The following MAP2K2 variants were observed in gnomAD, a reference collection of about 807,000 sequenced individuals.
The protein encoded by MAP2K2 is mitogen-activated protein kinase kinase 2.
MAP2K2 carries 24 observed loss-of-function variants against 43.7 expected under a neutral mutation model. That is an observed-to-expected ratio of 0.55 (90% CI 0.40 to 0.77). The LOEUF (loss-of-function observed/expected upper bound fraction) is 0.77. Ranked by LOEUF, MAP2K2 falls within the 30% of genes least tolerant of loss-of-function variation. The probability of loss-of-function intolerance (pLI) is 0.00; values close to 1 mark genes in which losing one functional copy is unlikely to be tolerated. For missense variants in MAP2K2, 470 were observed against 566.8 expected (o/e 0.83, Z 1.73); for synonymous variants, 244 against 239.7 (o/e 1.02, Z -0.17).
chr19:4,118,840 G>A (rs112389478), intron 1 of MAP2K2, among the ~76,000 whole-genome samples: 55 of 152,332 alleles, frequency 3.6e-4, no homozygotes, highest in African/African-American at 1.3e-3. Flanking sequence ...TTTATTGGGT[G>A]ATTCAAGGAA....
intron 9 of MAP2K2, chr19:4,094,719 G>A (rs1055413071): frequency 5.2e-5 from 30 of 576,904 alleles, no homozygotes; most frequent in African/African-American, 2.8e-4. Flanking sequence ...ACCCCCCAGC[G>A]GGAGGGTGAG....
chr19:4,110,769 C>G, intron 2 of MAP2K2, 114 bp from the exon 3 acceptor site: 3 of 1,137,032 alleles, frequency 2.6e-6, no homozygotes, highest in Non-Finnish European at 3.7e-6. Context: ...AACTCAGTAC[C>G]CCCTCCGCAA....
At chr19:4,111,967 A>G (rs943490631) in intron 2 of MAP2K2, among the ~76,000 whole-genome samples, 1 of 149,012 alleles carries the variant, frequency 6.7e-6, no homozygotes, top group Non-Finnish European at 1.5e-5. Context: ...AAAACCCCCA[A>G]AAAAACAAAA....
In MAP2K2 at chr19:4,118,600, C is replaced by CA. The variant is rs542136182; in HGVS notation, c.93-972dup. On this transcript the variant is annotated intron_variant, in intron 1 of 10. Transcript: ENST00000262948. The stretch of plus-strand genomic sequence containing the variant: ...TCTCAAAACAAAACAAACCAAAAAA[C>CA]AAAAAAAACAAAAAATAAGCATGAC... Among the ~76,000 whole-genome samples, 116 of 151,432 alleles carry CA rather than the reference C, an allele frequency of 7.7e-4. No homozygotes were observed. The South Asian group carries it at 0.011, about 14-fold the overall frequency.
chr19:4,103,178 T>C, intron 3 of MAP2K2: 2 of 990,450 alleles, frequency 2.0e-6, no homozygotes, highest in Non-Finnish European at 2.4e-6. Flanking sequence ...CAGCCTGTGG[T>C]CTCCTCGCCA....
At chr19:4,112,404 G>A (rs2041165160) in intron 2 of MAP2K2, among the ~76,000 whole-genome samples, 1 of 152,242 alleles carries the variant, frequency 6.6e-6, no homozygotes, top group Non-Finnish European at 1.5e-5. Context: ...GGAGATGGGG[G>A]AGGGTGTTCC....
chr19:4,111,924 G>C (rs2041158098), intron 2 of MAP2K2, among the ~76,000 whole-genome samples: 1 of 152,170 alleles, frequency 6.6e-6, no homozygotes, highest in Non-Finnish European at 1.5e-5. Context: ...TTGCACTCCA[G>C]CCTGGGGGAC....
Position 4,099,282 on chromosome 19 carries a change from C to T in MAP2K2, c.838G>A (p.Gly280Ser), listed in dbSNP as rs763167619. 1.9e-6 allele frequency: 3 copies of T among 1,606,562 alleles called. No homozygotes were observed. The highest frequency in any genetic ancestry group is 1.1e-5 in the South Asian group (1 of 90,048). Residue 280 changes from glycine (G) to serine (S), a missense_variant, in exon 7 of 11, where the codon GGC becomes AGC. Transcript: ENST00000262948. ...PDAKELEAIF[G>S]RPVVDGEEGE... ...TCTTCCCCGTCGACCACGGGCCGGC[C>T]AAAGATGGCCTCCAGCTCTTTGGCG...
chr19:4,122,087 C>T (rs547167631), intron 1 of MAP2K2, among the ~76,000 whole-genome samples: 14 of 139,846 alleles, frequency 1.0e-4, no homozygotes, highest in African/African-American at 3.5e-4. Context: ...AAGGACCGCT[C>T]CCCGCCCCCC....
intron 1 of MAP2K2, among the ~76,000 whole-genome samples, chr19:4,118,219 T>C (rs2041250602): frequency 6.6e-6 from 1 of 152,142 alleles, no homozygotes; most frequent in Admixed American, 6.5e-5. Context: ...ATTATAGGCG[T>C]GAGCCATTGC....
chr19:4,098,555 C>A (rs1393371836), intron 7 of MAP2K2, among the ~76,000 whole-genome samples: 1 of 152,184 alleles, frequency 6.6e-6, no homozygotes, highest in African/African-American at 2.4e-5. Flanking sequence ...CAAGCAGGGT[C>A]CGCCCCCGGC....
intron 4 of MAP2K2, 96 bp downstream of exon 4, chr19:4,102,280 C>T (rs746225596): frequency 3.2e-5 from 35 of 1,084,072 alleles, no homozygotes; most frequent in Non-Finnish European, 4.2e-5. Context: ...ACCCTAACCC[C>T]CACCACACTG....
rs2145053717 is a variant in MAP2K2 at position 4,101,027 on chromosome 19, A to C, written c.697T>G (p.Tyr233Asp). The C allele has an allele frequency of 6.4e-7, 1 of 1,560,032 alleles. No homozygotes were observed. The highest frequency in any genetic ancestry group is 8.7e-7 in the Non-Finnish European group (1 of 1,152,738). Residue 233 changes from tyrosine (Y) to aspartate (D), a missense_variant, in exon 6 of 11, where the codon TAC (tyrosine) becomes GAC (aspartate). By Grantham distance (160) the Tyr-to-Asp change is radical (BLOSUM62 -3). Transcript: ENST00000262948. The surrounding 1 kb of genome is among the most constrained non-coding windows in gnomAD (Gnocchi z 6.3). ...AGCCAGCGGGGACTCACAGCCATGTAGGAGCGCGTGCCCACGAAGGAGTTG... is the reference window on the plus strand; with the variant it reads ...AGCCAGCGGGGACTCACAGCCATGTCGGAGCGCGTGCCCACGAAGGAGTTG... ...MANSFVGTRSYMAPERLQGTH... is the reference protein window; with the variant it reads ...MANSFVGTRSDMAPERLQGTH...
intron 2 of MAP2K2, among the ~76,000 whole-genome samples, chr19:4,113,855 C>T (rs1359418861): frequency 6.6e-6 from 1 of 152,168 alleles, no homozygotes; most frequent in Non-Finnish European, 1.5e-5. Context: ...GAGCCGCCCC[C>T]CGGCCGCCAC....
At chr19:4,103,780 A>G (rs2041048890) in intron 3 of MAP2K2, among the ~76,000 whole-genome samples, 1 of 152,230 alleles carries the variant, frequency 6.6e-6, no homozygotes. Flanking sequence ...CCTCTAAAGC[A>G]TACACGTGAC....
chr19:4,123,715 G>A, intron 1 of MAP2K2, 69 bp downstream of exon 1: 1 of 988,074 alleles, frequency 1.0e-6, no homozygotes. Context: ...CCGTCCCCTC[G>A]CCCCGTCCTT....
chr19:4,095,568 C>G (rs949768776), intron 8 of MAP2K2, 119 bp from the exon 9 acceptor site: 2 of 751,860 alleles, frequency 2.7e-6, no homozygotes, highest in Admixed American at 4.7e-5. Flanking sequence ...TGGCCGACAC[C>G]ACATGCCAAC....
chr19:4,114,878 C>T (rs552985144), intron 2 of MAP2K2, among the ~76,000 whole-genome samples: 1 of 152,042 alleles, frequency 6.6e-6, no homozygotes, highest in Non-Finnish European at 1.5e-5. Flanking sequence ...TGCAGTGAGC[C>T]GAGATTGTGC....
chr19:4,110,213 A>C (rs2041136381), intron 3 of MAP2K2, among the ~76,000 whole-genome samples: 1 of 152,156 alleles, frequency 6.6e-6, no homozygotes, highest in Non-Finnish European at 1.5e-5. Context: ...CTGAGTCAGA[A>C]GTATCACTTG....
Sources: allele counts gnomAD v4.1 joint callset (sites outside exome capture counted in the v4.1 genomes callset), GRCh38; gene constraint gnomAD v4.1.1; non-coding constraint Gnocchi (gnomAD v3.1); transcripts MANE v1.5; gene names NCBI Gene and HGNC (gene_info 2026-07-23, HGNC 2026-07-21).